COL4A4: variants seen among roughly 807,000 people sequenced by gnomAD.
COL4A4 encodes the protein collagen alpha-4(IV) chain.
Under a neutral mutation model 192.9 loss-of-function variants are expected in COL4A4, and 105 were observed. The ratio of observed to expected loss-of-function variants is 0.54; its 90% CI spans 0.46 to 0.64. COL4A4 has a LOEUF of 0.64. Among genes scored for constraint, COL4A4 ranks in the 30% least tolerant of loss-of-function variants. COL4A4 has a pLI of 0.00. For missense variants in COL4A4, 1,967 were observed against 2,169.3 expected (o/e 0.91, Z 1.85); for synonymous variants, 762 against 769.9 (o/e 0.99, Z 0.17).
chr2:227,129,411 C>CT (rs752359503), intron 4 of COL4A4, among the ~76,000 whole-genome samples: 49,229 of 137,974 alleles, frequency 0.36, 9,194 homozygotes, highest in Non-Finnish European at 0.41. Context: ...TTCTAGTATA[C>CT]TTTTTTTTTT....
intron 34 of COL4A4, among the ~76,000 whole-genome samples, chr2:227,048,316 A>G (rs1973328703): frequency 6.6e-6 from 1 of 152,174 alleles, no homozygotes; most frequent in African/African-American, 2.4e-5. Flanking sequence ...TTTACTCATA[A>G]TAATGGCCAA....
chr2:227,019,929 A>T (rs550651909), intron 44 of COL4A4, among the ~76,000 whole-genome samples: 2 of 152,356 alleles, frequency 1.3e-5, no homozygotes, highest in East Asian at 3.9e-4. Context: ...GGCCTCCCAG[A>T]GTGCTGGGAT....
intron 6 of COL4A4, 53 bp from the exon 7 acceptor site, chr2:227,118,814 A>C: frequency 8.9e-7 from 1 of 1,117,528 alleles, no homozygotes; most frequent in Non-Finnish European, 1.4e-6. Flanking sequence ...ATCATTACAT[A>C]AAGGTTATGC....
At chr2:227,113,638 C>G (rs76543177) in intron 8 of COL4A4, among the ~76,000 whole-genome samples, 1 of 152,170 alleles carries the variant, frequency 6.6e-6, no homozygotes, top group South Asian at 2.1e-4. Flanking sequence ...AATACACCAT[C>G]CTGGTTCCTA....
downstream of COL4A4, among the ~76,000 whole-genome samples, chr2:227,002,008 A>G (rs150237208): frequency 5.4e-4 from 82 of 152,226 alleles, no homozygotes; most frequent in African/African-American, 1.9e-3. Context: ...CCCTGCTTCT[A>G]TAAAAATTAA....
At position 227,056,215 on chromosome 2, in the gene COL4A4, A is replaced by G. The variant is rs1333417793; in HGVS notation, c.2546-100T>C. The G allele has an allele frequency of 4.9e-6, 5 of 1,015,808 alleles. No individual in the cohort carries two copies. The Admixed American group carries it at 8.8e-5, about 18-fold the overall frequency. The allele number at this position is 1,015,808 out of a possible 1,614,324, so 62.9% of individuals were successfully genotyped here. On this transcript the variant is annotated intron_variant, in intron 29 of 47. Transcript: ENST00000396625. ...TAGCTTAAACAATGCGTTAAACAAC[A>G]GTAAAGCAATATTTGTTGGCTAAAA...
In COL4A4 at chr2:227,025,818, G is replaced by A. The variant is rs139571413; in HGVS notation, c.4082-8C>T. ...AAAGCTTACCTCTGGGACCTAGAGG[G>A]ATCCAAAGACAACAAACGAGGCCAG... On this transcript the variant is annotated splice_region_variant and splice_polypyrimidine_tract_variant and intron_variant, in intron 42 of 47. Transcript: ENST00000396625. The A allele has an allele frequency of 4.7e-3, 7,577 of 1,612,640 alleles. 23 individuals carry two copies. The highest frequency in any genetic ancestry group is 5.4e-3 in the Non-Finnish European group (6,378 of 1,179,152).
Position 227,147,509 on chromosome 2 carries a change from A to C in COL4A4, c.-26T>G. The C allele has an allele frequency of 6.2e-7, 1 of 1,602,776 alleles. No individual in the cohort carries two copies. Among genetic ancestry groups the C allele is most frequent in the Non-Finnish European group, 8.5e-7 (1 of 1,170,590 alleles). ...CGCAGGCAAGTCTTAGTACTTAAAAAATATTCTGCCAGTCTTCTCTTCCAG... is the reference window on the plus strand; with the variant it reads ...CGCAGGCAAGTCTTAGTACTTAAAACATATTCTGCCAGTCTTCTCTTCCAG... On this transcript the variant is annotated 5_prime_UTR_variant, in exon 2 of 48. It adds an upstream start codon to the 5' untranslated region. Transcript: ENST00000396625.
intron 28 of COL4A4, among the ~76,000 whole-genome samples, chr2:227,058,388 T>C (rs1181123860): frequency 6.6e-6 from 1 of 152,232 alleles, no homozygotes; most frequent in African/African-American, 2.4e-5. Flanking sequence ...CTTAGATATA[T>C]TTTCACAAGT....
At chr2:227,043,254 G>T in intron 35 of COL4A4, 70 bp from the exon 36 acceptor site, 1 of 1,253,156 alleles carries the variant, frequency 8.0e-7, no homozygotes, top group Non-Finnish European at 1.2e-6. Context: ...ACCAAGTTCA[G>T]CCCACCCTAT....
chr2:227,118,120 G>C (rs2061585781), intron 7 of COL4A4, among the ~76,000 whole-genome samples: 1 of 152,000 alleles, frequency 6.6e-6, no homozygotes, highest in South Asian at 2.1e-4. Flanking sequence ...ACAGCTTCCT[G>C]ACTCCGGATC....
chr2:227,113,267 G>T (rs1421497610), intron 8 of COL4A4, among the ~76,000 whole-genome samples: 1 of 152,074 alleles, frequency 6.6e-6, no homozygotes, highest in Non-Finnish European at 1.5e-5. Flanking sequence ...AGTATAAAGT[G>T]GATATAGACT....
intron 17 of COL4A4, among the ~76,000 whole-genome samples, chr2:227,100,953 C>T (rs535630635): frequency 2.6e-5 from 4 of 151,966 alleles, no homozygotes; most frequent in South Asian, 2.1e-4. Flanking sequence ...TACAGGCGCC[C>T]ACCACCACGC....
At chr2:227,060,075 A>G in intron 27 of COL4A4, 61 bp downstream of exon 27, 1 of 1,020,670 alleles carries the variant, frequency 9.8e-7, no homozygotes. Flanking sequence ...AATGTTAAAA[A>G]GTTCCTGATA....
Position 227,012,312 on chromosome 2 carries a change from A to G in COL4A4, c.4217-15T>C, listed in dbSNP as rs200926310. 4,646 of 1,601,212 alleles carry G rather than the reference A, an allele frequency of 2.9e-3. 12 individuals carry two copies. Among genetic ancestry groups the G allele is most frequent in the Non-Finnish European group, 3.5e-3 (4,090 of 1,168,398 alleles). On this transcript the variant is annotated splice_polypyrimidine_tract_variant and intron_variant, in intron 44 of 47. Coordinates refer to ENST00000396625, the MANE Select transcript of COL4A4 (RefSeq NM_000092.5). Reference sequence around the variant, plus strand: ...TCCTTTGCACCCTGCACAAAAGTTTATGATGCTGGTGGTGAAAGCAACCAT... The same window carrying G: ...TCCTTTGCACCCTGCACAAAAGTTTGTGATGCTGGTGGTGAAAGCAACCAT...
chr2:227,018,141 A>G (rs7566084), intron 44 of COL4A4, among the ~76,000 whole-genome samples: 199 of 152,306 alleles, frequency 1.3e-3, no homozygotes, highest in African/African-American at 4.6e-3. Context: ...GCTCTGCTCA[A>G]ATACCACCTC....
downstream of COL4A4, among the ~76,000 whole-genome samples, chr2:227,000,932 C>A (rs922112198): frequency 2.6e-5 from 4 of 152,114 alleles, no homozygotes; most frequent in Admixed American, 1.3e-4. Flanking sequence ...GTGAGACGTG[C>A]CTTTCACCTT....
intron 21 of COL4A4, 113 bp downstream of exon 21, chr2:227,089,755 G>A: frequency 1.2e-6 from 1 of 854,808 alleles, no homozygotes; most frequent in South Asian, 1.4e-5. Context: ...TCTAGTGGGT[G>A]ACTAAGGTGA....
chr2:227,154,589 G>A (rs886726721), intron 1 of COL4A4, among the ~76,000 whole-genome samples: 2 of 152,232 alleles, frequency 1.3e-5, no homozygotes, highest in South Asian at 4.1e-4. Context: ...CTCACTGACT[G>A]CACATATTTT....
Sources: allele counts gnomAD v4.1 joint callset (sites outside exome capture counted in the v4.1 genomes callset), GRCh38; gene constraint gnomAD v4.1.1; transcripts MANE v1.5; gene names NCBI Gene and HGNC (gene_info 2026-07-23, HGNC 2026-07-21).